The following RER1 variants were observed in gnomAD, a reference collection of about 807,000 sequenced individuals.
RER1 encodes retention in endoplasmic reticulum sorting receptor 1, also known as protein RER1.
A neutral mutation model predicts 28.3 loss-of-function variants in RER1; 6 were observed. That is an observed-to-expected ratio of 0.21 (90% CI 0.12 to 0.42). The LOEUF is 0.42. RER1 is among the 10% of genes least tolerant of loss of function. RER1 has a pLI of 1.00. For synonymous variants in RER1, 110 were observed against 95.9 expected, an observed-to-expected ratio of 1.15 and a Z score of -0.86; for missense variants, 159 against 252.9, an observed-to-expected ratio of 0.63 and a Z score of 2.52.
chr1:2,392,189 G>T (rs1642686627), intron 1 of RER1, among the ~76,000 whole-genome samples: 1 of 151,812 alleles, frequency 6.6e-6, no homozygotes. Context: ...CGGAGCCCTG[G>T]GGCCTGCGAG....
chr1:2,393,494 C>A (rs1352131385), intron 1 of RER1, among the ~76,000 whole-genome samples: 1 of 152,184 alleles, frequency 6.6e-6, no homozygotes, highest in African/African-American at 2.4e-5. Flanking sequence ...GCAGAGGGGG[C>A]AGCTGGTGTG....
At chr1:2,399,568 T>C (rs576382488) in intron 4 of RER1, 54 bp downstream of exon 4, 1 of 1,079,614 alleles carries the variant, frequency 9.3e-7, no homozygotes, top group East Asian at 2.4e-5. Flanking sequence ...CTTTCTTTTC[T>C]GATGGGATTG....
Position 2,399,518 on chromosome 1 carries a change from G to T in RER1, c.286+4G>T. On this transcript the variant is annotated splice_donor_region_variant and intron_variant, in intron 4 of 6. Coordinates refer to ENST00000605895, the MANE Select transcript of RER1 (RefSeq NM_007033.5). Reference sequence around the variant, plus strand: ...CCTTCCTTAATGGAAGACTCAGGTAGGGTAGCGGCTGTGCACTGGGCTGTG... The same window carrying T: ...CCTTCCTTAATGGAAGACTCAGGTATGGTAGCGGCTGTGCACTGGGCTGTG... 6.3e-7 allele frequency: 1 copy of T among 1,588,306 alleles called. No individual in the cohort carries two copies. Among genetic ancestry groups the T allele is most frequent in the Non-Finnish European group, 8.6e-7 (1 of 1,156,620 alleles).
In RER1 at chr1:2,402,235, G is replaced by A; in HGVS notation, c.394G>A (p.Ala132Thr). The part of the protein sequence containing the change: ...WHAATKGILV[A>T]MVCTFFDAFN... ...TGCGGCTACCAAGGGCATCCTTGTG[G>A]CTATGGTCTGTACTTTCTTCGACGC... Residue 132 changes from alanine to threonine, a missense_variant, in exon 6 of 7, where the codon GCT becomes ACT. Physicochemically the swap from Ala to Thr is moderately conservative, Grantham distance 58 (BLOSUM62 0). Transcript: ENST00000605895. 1 of 1,614,214 alleles carries A rather than the reference G, an allele frequency of 6.2e-7. No individual in the cohort carries two copies. The highest frequency in any genetic ancestry group is 8.5e-7 in the Non-Finnish European group (1 of 1,180,038).
At chr1:2,397,357 C>T (rs190882190) in intron 3 of RER1, 137 bp downstream of exon 3, 2 of 666,420 alleles carry the variant, frequency 3.0e-6, no homozygotes, top group African/African-American at 3.6e-5. Context: ...CGCCAAATGT[C>T]AGAAAGATCT....
Position 2,402,397 on chromosome 1 carries a change from A to G in RER1, c.501+55A>G, listed in dbSNP as rs573261500. On this transcript the variant is annotated intron_variant, in intron 6 of 6. Transcript: ENST00000605895. ...CCGCAATCGCTGTTCTGTTACCCGC[A>G]GCATTGGGGGAGCTGTGCTGGGCTG... 147 of 1,610,382 alleles carry G rather than the reference A, an allele frequency of 9.1e-5. No individual in the cohort carries two copies. The Admixed American group carries it at 2.4e-3, about 26-fold the overall frequency.
chr1:2,402,554 C>T (rs561279316), intron 6 of RER1, among the ~76,000 whole-genome samples: 4 of 152,058 alleles, frequency 2.6e-5, no homozygotes, highest in Non-Finnish European at 4.4e-5. Flanking sequence ...TGGGAGCGGG[C>T]GGGCTCTTGG....
Position 2,403,604 on chromosome 1 carries a change from A to T in RER1, c.*480A>T, listed in dbSNP as rs906108640. On this transcript the variant is annotated 3_prime_UTR_variant, in exon 7 of 7. Transcript: ENST00000605895. ...ACGTTTTAAAGGTGATTGTCAAGTA[A>T]CTGTGTGGGGTTCTAATGCCAGTTT... is the stretch of plus-strand genomic sequence containing the variant. 1.8e-5 allele frequency: 3 copies of T among 165,144 alleles called. No individual in the cohort carries two copies. The highest frequency in any genetic ancestry group is 7.2e-5 in the African/African-American group (3 of 41,602). The allele number at this position is 165,144 out of a possible 1,614,324, so 10.2% of individuals were successfully genotyped here. A position where few individuals can be genotyped will look rare whatever the true frequency, so the allele number is the denominator to read the frequency against.
At chr1:2,402,699 G>A (rs989247420) in intron 6 of RER1, among the ~76,000 whole-genome samples, 5 of 152,238 alleles carry the variant, frequency 3.3e-5, no homozygotes, top group African/African-American at 1.2e-4. Context: ...CGAGACTGCG[G>A]ACTGTGCCCT....
At chr1:2,393,286 C>G (rs1026122478) in intron 1 of RER1, 1 of 152,138 alleles carries the variant, frequency 6.6e-6, no homozygotes, top group African/African-American at 2.4e-5. Context: ...GGGCCCAGCC[C>G]CGAACCAGAC....
chr1:2,394,183 G>C (rs1472186436), intron 1 of RER1: 2 of 152,150 alleles, frequency 1.3e-5, no homozygotes, highest in Non-Finnish European at 2.9e-5. Context: ...GAGAGTAAAG[G>C]TGCTCCTCCT....
In RER1 at chr1:2,405,047, G is replaced by A. The variant is rs779726539; in HGVS notation, c.*1923G>A. 3.5e-4 allele frequency: 55 copies of A among 155,670 alleles called. No homozygotes were observed. Among genetic ancestry groups the A allele is most frequent in the Admixed American group, 3.3e-3 (52 of 15,978 alleles). The allele number at this position is 155,670 out of a possible 1,614,324, so 9.6% of individuals were successfully genotyped here. On this transcript the variant is annotated 3_prime_UTR_variant, in exon 7 of 7. Transcript: ENST00000605895. The stretch of plus-strand genomic sequence containing the variant: ...CCCCCATACCCCCAGGACCTGGCTC[G>A]TGAGTGCGTCTGGGTCAGGAAGAGA...
At chr1:2,400,754 T>C (rs902796285) in intron 4 of RER1, 103 bp from the exon 5 acceptor site, 71 of 948,150 alleles carry the variant, frequency 7.5e-5, no homozygotes, top group Non-Finnish European at 1.0e-5. Flanking sequence ...GAATCTCGGT[T>C]TAGATTTGTG....
At chr1:2,395,611 A>C in intron 1 of RER1, 173 bp from the exon 2 acceptor site, 1 of 601,014 alleles carries the variant, frequency 1.7e-6, no homozygotes, top group Non-Finnish European at 3.0e-6. Flanking sequence ...TCTCCAGGGA[A>C]GCCTGTGTAC....
chr1:2,401,351 T>C (rs373490505), intron 5 of RER1, among the ~76,000 whole-genome samples: 563 of 2,430 alleles, frequency 0.23, 62 homozygotes, highest in Middle Eastern at 0.5. Context: ...TCTCCCTCCT[T>C]CCTCCCTCCT....
intron 5 of RER1, among the ~76,000 whole-genome samples, chr1:2,401,324 G>C (rs142129109): frequency 0.014 from 68 of 4,750 alleles, 1 homozygote; most frequent in African/African-American, 0.034. Context: ...CCTCCTTCCT[G>C]CCTCCTCCTC....
Position 2,401,911 on chromosome 1 carries a change from GCCAGCAGGCATGGGGCCC to G in RER1, c.366-290_366-273del, listed in dbSNP as rs1235405709. 4 of 992,076 alleles carry G rather than the reference GCCAGCAGGCATGGGGCCC, an allele frequency of 4.0e-6. No individual in the cohort carries two copies. The African/African-American group carries it at 6.5e-5, about 16-fold the overall frequency. 61.5% of individuals were successfully genotyped at this position (992,076 alleles called of 1,614,324 possible). On this transcript the variant is annotated intron_variant, in intron 5 of 6. Coordinates refer to ENST00000605895, the MANE Select transcript of RER1 (RefSeq NM_007033.5). ...GGTTTCTCTCCAGATCGCAGGCCCA[GCCAGCAGGCATGGGGCCC>G]CCAGCCTCAGTACTGATGCTTTATA...
intron 3 of RER1, 125 bp from the exon 4 acceptor site, chr1:2,399,290 G>A (rs568145409): frequency 1.4e-6 from 1 of 715,796 alleles, no homozygotes; most frequent in Non-Finnish European, 2.6e-6. Flanking sequence ...CTATGAGTAA[G>A]TTTTGTGTTA....
In RER1 at chr1:2,398,133, G is replaced by A. The variant is rs182720065; in HGVS notation, c.186+913G>A. 1.4e-3 allele frequency among the ~76,000 whole-genome samples: 215 copies of A among 152,338 alleles called. 1 individual carries two copies. The Middle Eastern group carries it at 0.02, about 14-fold the overall frequency. On this transcript the variant is annotated intron_variant, in intron 3 of 6. Transcript: ENST00000605895. ...TCAGTTTTATTGCGTTCGAAACCAA[G>A]CTCGTGCCTCATTTGGCGTCTCTTC... is the stretch of plus-strand genomic sequence containing the variant.
Sources: gnomAD v4.1 joint callset for allele counts (sites outside exome capture counted in the v4.1 genomes callset) on GRCh38, gnomAD v4.1.1 for gene constraint, MANE v1.5 for transcripts, NCBI Gene and HGNC (gene_info 2026-07-23, HGNC 2026-07-21) for gene names.